Variants in CDC7 observed in about 807,000 individuals in gnomAD.
CDC7 encodes the protein cell division cycle 7.
CDC7 carries 34 observed loss-of-function variants against 53.5 expected under a neutral mutation model. That is an observed-to-expected ratio of 0.64 (90% CI 0.48 to 0.85). The LOEUF is 0.85. Ranked by LOEUF, CDC7 falls within the 40% of genes least tolerant of loss-of-function variation. The pLI, the probability that CDC7 is intolerant of heterozygous loss-of-function variation, is 0.00. For synonymous variants in CDC7, 211 were observed against 222.8 expected, an observed-to-expected ratio of 0.95 and a Z score of 0.47; for missense variants, 594 against 679.7, an observed-to-expected ratio of 0.87 and a Z score of 1.40.
chr1:91,514,192 C>A, intron 8 of CDC7, 149 bp downstream of exon 8: 2 of 495,730 alleles, frequency 4.0e-6, no homozygotes, highest in African/African-American at 2.0e-5. Flanking sequence ...AGCATTTAGT[C>A]AAAACTTGTT....
chr1:91,507,339 A>G (rs1667045300), intron 2 of CDC7, among the ~76,000 whole-genome samples: 1 of 152,232 alleles, frequency 6.6e-6, no homozygotes, highest in African/African-American at 2.4e-5. Flanking sequence ...AGAGGATACT[A>G]CTGGCAATTG....
intron 9 of CDC7, 129 bp from the exon 10 acceptor site, chr1:91,515,665 A>T: frequency 9.6e-7 from 1 of 1,037,532 alleles, no homozygotes; most frequent in Non-Finnish European, 1.4e-6. Context: ...ATTATCATTT[A>T]CTTTATAGTA....
At chr1:91,522,261 G>C (rs1667991653) in intron 11 of CDC7, among the ~76,000 whole-genome samples, 1 of 152,156 alleles carries the variant, frequency 6.6e-6, no homozygotes, top group Non-Finnish European at 1.5e-5. Context: ...TATAACTTTG[G>C]ACTGAGTATA....
At chr1:91,518,418 C>T (rs1314399406) in intron 10 of CDC7, among the ~76,000 whole-genome samples, 10 of 152,000 alleles carry the variant, frequency 6.6e-5, no homozygotes, top group Admixed American at 2.0e-4. Flanking sequence ...ATCAATGTAC[C>T]GAAGAGGTAT....
At chr1:91,512,868 A>G (rs13447509) in intron 6 of CDC7, among the ~76,000 whole-genome samples, 190 bp from the exon 7 acceptor site, 102 of 152,310 alleles carry the variant, frequency 6.7e-4, no homozygotes, top group African/African-American at 2.2e-3. Context: ...TTAATTTTCA[A>G]TCCTGGTTAG....
intron 2 of CDC7, among the ~76,000 whole-genome samples, chr1:91,503,904 A>G (rs1666835242): frequency 1.3e-5 from 2 of 152,060 alleles, no homozygotes; most frequent in Admixed American, 6.6e-5. Context: ...TTTAATATAT[A>G]TCTTGAATAT....
chr1:91,501,402 C>G (rs1226697390), intron 1 of CDC7: 1 of 287,732 alleles, frequency 3.5e-6, no homozygotes, highest in South Asian at 9.7e-5. Flanking sequence ...GCAGCCTCGC[C>G]GTTTCCCACT....
At chr1:91,522,525 GAAGTT>G (rs1668013757) in intron 11 of CDC7, among the ~76,000 whole-genome samples, 1 of 152,138 alleles carries the variant, frequency 6.6e-6, no homozygotes, top group African/African-American at 2.4e-5. Context: ...AGTGTTACTT[GAAGTT>G]ATTTTTCCTG....
chr1:91,524,199 G>T lies in CDC7; in HGVS notation c.1489G>T (p.Ala497Ser). The T allele has an allele frequency of 6.2e-7, 1 of 1,613,974 alleles. No homozygotes were observed. Among genetic ancestry groups the T allele is most frequent in the Non-Finnish European group, 8.5e-7 (1 of 1,179,962 alleles). ...TATTTCAGAGAAGACTGACCATAAA[G>T]CTTCTTGCCTCGTTCAAACACCTCC... ...PAISEKTDHK[A>S]SCLVQTPPGQ... The change falls in exon 12 of 12, where the codon GCT (alanine) becomes TCT (serine). Residue 497 changes from alanine (A) to serine (S), a missense_variant. Physicochemically the swap from Ala to Ser is moderately conservative, Grantham distance 99. Transcript: ENST00000234626.
In CDC7 at chr1:91,514,005, A is replaced by C; in HGVS notation, c.880A>C (p.Ile294Leu). The change falls in exon 8 of 12, where the codon ATA (isoleucine) becomes CTA (leucine). Residue 294 changes from isoleucine (I) to leucine (L), a missense_variant. Physicochemically the swap from Ile to Leu is conservative, Grantham distance 5. Transcript: ENST00000234626. ...RSVFGERNFN[I>L]HSSISHESPA... ...TGTTTTTGGAGAAAGAAATTTCAAT[A>C]TACACAGCTCCATTTCACATGAGAG... 6.2e-7 allele frequency: 1 copy of C among 1,612,384 alleles called. No homozygotes were observed.
intron 4 of CDC7, among the ~76,000 whole-genome samples, chr1:91,509,550 T>C (rs1667166707): frequency 6.6e-6 from 1 of 152,156 alleles, no homozygotes; most frequent in African/African-American, 2.4e-5. Context: ...TATCTAGAAG[T>C]TCATCCATGT....
chr1:91,522,300 T>C (rs1485466365), intron 11 of CDC7, among the ~76,000 whole-genome samples: 1 of 152,210 alleles, frequency 6.6e-6, no homozygotes, highest in Non-Finnish European at 1.5e-5. Context: ...CAAACACAAC[T>C]GTGTTCCCCT....
At chr1:91,506,118 C>T (rs1666974346) in intron 2 of CDC7, among the ~76,000 whole-genome samples, 1 of 152,196 alleles carries the variant, frequency 6.6e-6, no homozygotes, top group African/African-American at 2.4e-5. Flanking sequence ...AGGTATCCTT[C>T]TGCCTCAGTC....
chr1:91,517,778 C>G (rs1667644003), intron 10 of CDC7, among the ~76,000 whole-genome samples: 2 of 151,950 alleles, frequency 1.3e-5, no homozygotes, highest in African/African-American at 4.8e-5. Flanking sequence ...ATTGAAGGAG[C>G]AGGCAGAGGT....
Position 91,524,418 on chromosome 1 carries a change from A to G in CDC7, c.1708A>G (p.Lys570Glu). The G allele has an allele frequency of 1.2e-6, 2 of 1,607,232 alleles. No individual in the cohort carries two copies. Among genetic ancestry groups the G allele is most frequent in the Admixed American group, 1.7e-5 (1 of 59,690 alleles). The change falls in exon 12 of 12, where the codon AAA becomes GAA. Residue 570 changes from lysine to glutamate, a missense_variant. Lys to Glu is a moderately conservative substitution (Grantham distance 56). Transcript: ENST00000234626. ...AEEALLHPFF[K>E]DMSL ...AGAAGCTTTGTTGCATCCATTTTTT[A>G]AAGATATGAGCTTGTGATAATGGAT...
At chr1:91,501,230 G>A (rs1666648823) in intron 1 of CDC7, 1 of 157,054 alleles carries the variant, frequency 6.4e-6, no homozygotes, top group African/African-American at 2.4e-5. Context: ...CGTGGCCAGG[G>A]TCGTATCAGT....
Position 91,524,138 on chromosome 1 carries a change from A to T in CDC7, c.1428A>T (p.Thr476=), listed in dbSNP as rs144839637. Residue 476 remains threonine, a synonymous_variant, in exon 12 of 12, where the codon ACA becomes ACT. Transcript: ENST00000234626. ...TGGATTCTAGCACTCCCAAGTTAAC[A>T]AGTGATATACAAGGGCATGCTTCTC... ...RGMDSSTPKL[T]SDIQGHASHQ... 1 of 1,614,074 alleles carries T rather than the reference A, an allele frequency of 6.2e-7. No homozygotes were observed. The highest frequency in any genetic ancestry group is 8.5e-7 in the Non-Finnish European group (1 of 1,179,950).
intron 11 of CDC7, among the ~76,000 whole-genome samples, chr1:91,522,573 T>TA (rs13447550): frequency 1.3e-5 from 2 of 151,988 alleles, no homozygotes; most frequent in African/African-American, 4.8e-5. Flanking sequence ...TTTGGTCATA[T>TA]AAAAAAAAGC....
Position 91,513,229 on chromosome 1 carries a change from G to A in CDC7, c.744G>A (p.Gln248=). The change falls in exon 7 of 12, where the codon CAG becomes CAA. Residue 248 remains glutamine, a synonymous_variant. Transcript: ENST00000234626. ...GCCCAGTACCTAAGGAGCTGGATCA[G>A]CAGTCCACCACAAAAGCTTCTGTTA... ...LSGPVPKELD[Q]QSTTKASVKR... is the part of the protein sequence containing the mutation. The A allele has an allele frequency of 1.2e-6, 2 of 1,613,114 alleles. No individual in the cohort carries two copies. The highest frequency in any genetic ancestry group is 8.5e-7 in the Non-Finnish European group (1 of 1,179,190).
Sources: gnomAD v4.1 joint callset for allele counts (sites outside exome capture counted in the v4.1 genomes callset) on GRCh38, gnomAD v4.1.1 for gene constraint, MANE v1.5 for transcripts, NCBI Gene and HGNC (gene_info 2026-07-23, HGNC 2026-07-21) for gene names.